The following TTBK2 variants were observed in gnomAD, a reference collection of about 807,000 sequenced individuals.
The protein encoded by TTBK2 is tau-tubulin kinase 2.
A neutral mutation model predicts 110.8 loss-of-function variants in TTBK2; 28 were observed. That is an observed-to-expected ratio of 0.25 (90% confidence interval 0.19 to 0.35). TTBK2 has a LOEUF of 0.35. Among genes scored for constraint, TTBK2 ranks in the 10% least tolerant of loss-of-function variants. The pLI is 1.00. For missense variants in TTBK2, 1,369 were observed against 1,500.3 expected (o/e 0.91, Z 1.45); for synonymous variants, 532 against 527.3 (o/e 1.01, Z -0.12).
At chr15:42,860,104 A>G (rs1894095478) in intron 3 of TTBK2, among the ~76,000 whole-genome samples, 1 of 152,134 alleles carries the variant, frequency 6.6e-6, no homozygotes, top group Non-Finnish European at 1.5e-5. Flanking sequence ...AGGAACAACT[A>G]TAAAAGACAT....
rs150389466 is a variant in TTBK2, at chr15:42,801,425, G to A, written c.823-6624C>T. ...CGGTATCTGCGTGGCAGCCTCCAGGGAAGCCCTCTGGCCTTTGAGACCCTC... is the reference window on the plus strand; with the variant it reads ...CGGTATCTGCGTGGCAGCCTCCAGGAAAGCCCTCTGGCCTTTGAGACCCTC... On this transcript the variant is annotated intron_variant, in intron 9 of 14. Coordinates refer to ENST00000267890, the MANE Select transcript of TTBK2 (RefSeq NM_173500.4). The A allele has an allele frequency of 9.1e-4, 912 of 1,004,546 alleles. 4 individuals are homozygous for A. The African/African-American group carries it at 0.012, about 14-fold the overall frequency. The allele number at this position is 1,004,546 out of a possible 1,614,324, so 62.2% of individuals were successfully genotyped here.
chr15:42,763,349 G>T (rs1466025034), intron 13 of TTBK2, among the ~76,000 whole-genome samples: 2 of 147,800 alleles, frequency 1.4e-5, no homozygotes, highest in East Asian at 4.0e-4. Context: ...AAGTAGCTGG[G>T]ATTACAAGCA....
At chr15:42,877,887 G>A (rs138485399) in intron 2 of TTBK2, among the ~76,000 whole-genome samples, 17 of 151,912 alleles carry the variant, frequency 1.1e-4, no homozygotes, top group African/African-American at 2.9e-4. Context: ...GTTAAATATC[G>A]CTTCAAAATA....
At chr15:42,908,739 C>T (rs2030566912) in intron 1 of TTBK2, among the ~76,000 whole-genome samples, 1 of 152,098 alleles carries the variant, frequency 6.6e-6, no homozygotes, top group African/African-American at 2.4e-5. Flanking sequence ...ATAATGCATA[C>T]CCTGTGACTC....
In TTBK2 at chr15:42,743,612, C is replaced by T. The variant is rs2061762532; in HGVS notation, c.*2183G>A. ...TTTAAGAAATGTTTTAAAAATCTGT[C>T]AGACTCATCATCATCCCAGTTTATC... On this transcript the variant is annotated 3_prime_UTR_variant, in exon 15 of 15. Transcript: ENST00000267890. The T allele has an allele frequency of 6.6e-6, 1 of 152,168 alleles. No homozygotes were observed. The highest frequency in any genetic ancestry group is 2.4e-5 in the African/African-American group (1 of 41,432). The allele number at this position is 152,168 out of a possible 1,614,324, so 9.4% of individuals were successfully genotyped here.
rs1385155648 is a variant in TTBK2, at chr15:42,882,173, GA to G, written c.-67-3490del. 4.0e-5 allele frequency among the ~76,000 whole-genome samples: 6 copies of G among 150,670 alleles called. No homozygotes were observed. In the East Asian group the frequency reaches 7.9e-4, roughly 20 times the overall value. ...CTAAAACTTCACAAATTTTGTGAAGGAAAAAAACAACAGATTGAGGAAGCTG... is the reference window on the plus strand; with the variant it reads ...CTAAAACTTCACAAATTTTGTGAAGGAAAAAACAACAGATTGAGGAAGCTG... On this transcript the variant is annotated intron_variant, in intron 1 of 14. Coordinates refer to ENST00000267890, the MANE Select transcript of TTBK2 (RefSeq NM_173500.4).
At chr15:42,796,900 T>C (rs1243934870) in intron 9 of TTBK2, among the ~76,000 whole-genome samples, 1 of 152,196 alleles carries the variant, frequency 6.6e-6, no homozygotes, top group Non-Finnish European at 1.5e-5. Context: ...AAAAAGAAAC[T>C]AAAAAGATAA....
intron 2 of TTBK2, among the ~76,000 whole-genome samples, chr15:42,872,966 C>T (rs1894673058): frequency 6.6e-6 from 1 of 152,144 alleles, no homozygotes; most frequent in African/African-American, 2.4e-5. Context: ...GGTTTATCCA[C>T]AACAAAGTAA....
chr15:42,762,703 G>T (rs1595885730), intron 13 of TTBK2, among the ~76,000 whole-genome samples: 1 of 152,228 alleles, frequency 6.6e-6, no homozygotes, highest in East Asian at 1.9e-4. Context: ...GGGTGACAGA[G>T]TGAGATGCTG....
At chr15:42,900,718 T>C (rs952938732) in intron 1 of TTBK2, among the ~76,000 whole-genome samples, 1 of 151,334 alleles carries the variant, frequency 6.6e-6, no homozygotes, top group African/African-American at 2.4e-5. Flanking sequence ...CCAGACTCCA[T>C]CCCCCCACCA....
rs2061733348 is a variant in TTBK2 at position 42,738,959 on chromosome 15, A to T, written c.*6836T>A. On this transcript the variant is annotated 3_prime_UTR_variant, in exon 15 of 15. Transcript: ENST00000267890. ...CCACTTTTGAAATCCAGACCATCAC[A>T]CAAACAGAACTAGATTTTGCATGCG... 1 of 152,254 alleles carries T rather than the reference A, an allele frequency of 6.6e-6. No individual in the cohort carries two copies. Among genetic ancestry groups the T allele is most frequent in the Non-Finnish European group, 1.5e-5 (1 of 68,038 alleles). 9.4% of individuals were successfully genotyped at this position (152,254 alleles called of 1,614,324 possible).
intron 13 of TTBK2, among the ~76,000 whole-genome samples, chr15:42,760,126 C>G (rs2062003493): frequency 6.6e-6 from 1 of 152,052 alleles, no homozygotes; most frequent in African/African-American, 2.4e-5. Context: ...TGGCTCACGC[C>G]TATAATACCA....
intron 1 of TTBK2, among the ~76,000 whole-genome samples, chr15:42,878,904 A>T (rs547068003): frequency 4.7e-4 from 71 of 152,182 alleles, no homozygotes; most frequent in Non-Finnish European, 9.1e-4. Flanking sequence ...TTACAAAGAC[A>T]CCGTTAAAAC....
intron 1 of TTBK2, among the ~76,000 whole-genome samples, chr15:42,892,408 CCTTT>C (rs1895493453): frequency 6.6e-6 from 1 of 151,776 alleles, no homozygotes; most frequent in Admixed American, 6.6e-5. Flanking sequence ...ATTATTTGGA[CCTTT>C]AATAAAATGT....
At position 42,870,854 on chromosome 15, in the gene TTBK2, C is replaced by T. The variant is rs551227979; in HGVS notation, c.217+1757G>A. Reference sequence around the variant, plus strand: ...CCAGTGTGGTGACAGAACAAGACTCCGTCTCAAAAAAAAAAAAAAAAATCC... The same window carrying T: ...CCAGTGTGGTGACAGAACAAGACTCTGTCTCAAAAAAAAAAAAAAAAATCC... On this transcript the variant is annotated intron_variant, in intron 3 of 14. Transcript: ENST00000267890. Among the ~76,000 whole-genome samples the T allele has an allele frequency of 1.3e-4, 19 of 146,982 alleles. No homozygotes were observed. In the East Asian group the frequency reaches 2.8e-3, roughly 21 times the overall value.
intron 3 of TTBK2, among the ~76,000 whole-genome samples, chr15:42,858,069 A>T (rs1894014583): frequency 6.6e-6 from 1 of 150,480 alleles, no homozygotes; most frequent in Non-Finnish European, 1.5e-5. Context: ...ACCTTGTCTC[A>T]AAAAAAAACC....
At chr15:42,798,541 TTCC>T (rs1359353729) in intron 9 of TTBK2, among the ~76,000 whole-genome samples, 1 of 152,256 alleles carries the variant, frequency 6.6e-6, no homozygotes, top group African/African-American at 2.4e-5. Flanking sequence ...GTGGCACAGC[TTCC>T]TCAAGTATTT....
intron 2 of TTBK2, among the ~76,000 whole-genome samples, chr15:42,873,991 A>G (rs1894712121): frequency 1.3e-5 from 2 of 152,222 alleles, no homozygotes; most frequent in South Asian, 4.1e-4. Context: ...CTGAATTTCT[A>G]CAGTAATTAT....
chr15:42,767,089 A>G (rs1226055413), intron 13 of TTBK2, among the ~76,000 whole-genome samples: 2 of 152,246 alleles, frequency 1.3e-5, no homozygotes. Flanking sequence ...AACCAGTGAG[A>G]ACAAAGACAC....
Sources: gnomAD v4.1 joint callset for allele counts (sites outside exome capture counted in the v4.1 genomes callset) on GRCh38, gnomAD v4.1.1 for gene constraint, MANE v1.5 for transcripts, NCBI Gene and HGNC (gene_info 2026-07-23, HGNC 2026-07-21) for gene names.